The following PTPRF variants were observed in gnomAD, a reference collection of about 807,000 sequenced individuals.
PTPRF encodes the protein protein tyrosine phosphatase receptor type F, also known as receptor-type tyrosine-protein phosphatase F.
Under a neutral mutation model 201.8 loss-of-function variants are expected in PTPRF, and 59 were observed. The observed-to-expected ratio is 0.29, with a 90% CI of 0.24 to 0.36. The LOEUF (loss-of-function observed/expected upper bound fraction) is 0.36, where lower values mean the gene tolerates loss of function less well. PTPRF is among the 10% of genes least tolerant of loss of function. PTPRF has a pLI of 1.00. For synonymous variants in PTPRF, 1,088 were observed against 1,089.7 expected (o/e 1.00, Z 0.03); for missense variants, 2,132 against 2,690.5 (o/e 0.79, Z 4.59).
chr1:43,599,688 G>A (rs539681182), intron 13 of PTPRF, among the ~76,000 whole-genome samples: 1 of 152,310 alleles, frequency 6.6e-6, no homozygotes, highest in East Asian at 1.9e-4. Flanking sequence ...GGTCCCTGGG[G>A]TATTCTGAAC....
At chr1:43,545,297 C>A in intron 3 of PTPRF, 131 bp downstream of exon 3, 1 of 912,536 alleles carries the variant, frequency 1.1e-6, no homozygotes, top group Non-Finnish European at 1.6e-6. Flanking sequence ...GACCTTCTGT[C>A]CTAGAGAGCC....
In PTPRF at chr1:43,597,745, C is replaced by T. The variant is rs755855696; in HGVS notation, c.1814-3C>T. 8 of 1,550,686 alleles carry T rather than the reference C, an allele frequency of 5.2e-6. No homozygotes were observed. The East Asian group carries it at 6.9e-5, about 13-fold the overall frequency. On this transcript the variant is annotated splice_region_variant and splice_polypyrimidine_tract_variant and intron_variant, in intron 11 of 33. Coordinates refer to ENST00000359947, the MANE Select transcript of PTPRF (RefSeq NM_002840.5). ...TTGCTTCCCCCCCATTTGTCTTCCC[C>T]AGCCCCCTCCGCCCCTCCCCAGAAG...
At chr1:43,582,186 A>G (rs1647852658) in intron 7 of PTPRF, among the ~76,000 whole-genome samples, 1 of 152,204 alleles carries the variant, frequency 6.6e-6, no homozygotes, top group African/African-American at 2.4e-5. Flanking sequence ...CGACTGCTAC[A>G]TTTAATGGGA....
intron 3 of PTPRF, among the ~76,000 whole-genome samples, chr1:43,547,750 C>G (rs2153966871): frequency 6.6e-6 from 1 of 152,292 alleles, no homozygotes; most frequent in Admixed American, 6.5e-5. Flanking sequence ...AAGCAGCTGC[C>G]AAGAGTTAGC....
At chr1:43,606,557 G>T in intron 20 of PTPRF, 99 bp downstream of exon 20, 2 of 1,254,422 alleles carry the variant, frequency 1.6e-6, no homozygotes, top group Non-Finnish European at 2.2e-6. Flanking sequence ...GTCTTTATCA[G>T]TTTGGGGGCT....
intron 7 of PTPRF, chr1:43,583,190 C>T (rs1570296898): frequency 3.6e-6 from 3 of 839,598 alleles, no homozygotes; most frequent in Non-Finnish European, 4.3e-6. Context: ...CCCTCAGGCT[C>T]ACTGCGCCGT....
chr1:43,557,936 G>A (rs1048994179), intron 5 of PTPRF, among the ~76,000 whole-genome samples: 2 of 152,332 alleles, frequency 1.3e-5, no homozygotes, highest in African/African-American at 4.8e-5. Flanking sequence ...GAGGGCCAGA[G>A]GGAAGCAGCC....
intron 7 of PTPRF, among the ~76,000 whole-genome samples, chr1:43,585,888 G>T (rs1033721659): frequency 6.6e-6 from 1 of 152,272 alleles, no homozygotes; most frequent in Middle Eastern, 3.4e-3. Context: ...ACCGACTGGG[G>T]TCAAGCCTGC....
At chr1:43,527,107 G>C (rs895154001), upstream of PTPRF, among the ~76,000 whole-genome samples, 45 of 152,362 alleles carry the variant, frequency 3.0e-4, no homozygotes, top group African/African-American at 1.0e-3. Context: ...GTTGCAGAGA[G>C]TGTCCAGTTG....
intron 1 of PTPRF, among the ~76,000 whole-genome samples, chr1:43,535,872 T>C (rs1168841494): frequency 6.6e-6 from 1 of 152,198 alleles, no homozygotes; most frequent in African/African-American, 2.4e-5. Context: ...CCTCCTGGGC[T>C]CAAGTGATCC....
intron 6 of PTPRF, among the ~76,000 whole-genome samples, chr1:43,571,287 CA>C (rs1316367048): frequency 2.0e-5 from 3 of 152,162 alleles, no homozygotes; most frequent in African/African-American, 7.2e-5. Flanking sequence ...CCCTTCCCTG[CA>C]GCAGCATCTT....
intron 14 of PTPRF, among the ~76,000 whole-genome samples, chr1:43,602,855 C>T (rs1164663226): frequency 2.0e-5 from 3 of 152,174 alleles, no homozygotes; most frequent in African/African-American, 7.2e-5. Context: ...CCCTCCCCTG[C>T]CTTTCTCAAG....
At position 43,559,557 on chromosome 1, in the gene PTPRF, C is replaced by T. The variant is rs114820002; in HGVS notation, c.379+5616C>T. 4.9e-3 allele frequency among the ~76,000 whole-genome samples: 703 copies of T among 144,058 alleles called. 7 individuals carry two copies. Among genetic ancestry groups the T allele is most frequent in the African/African-American group, 0.018 (672 of 38,092 alleles). 94.5% of individuals were successfully genotyped at this position (144,058 alleles called of 152,430 possible). A position where few individuals can be genotyped will look rare whatever the true frequency, so the allele number is the denominator to read the frequency against. On this transcript the variant is annotated intron_variant, in intron 5 of 33. Coordinates refer to ENST00000359947, the MANE Select transcript of PTPRF (RefSeq NM_002840.5). ...TGTGTTTATGTGCAGCAAGGGTGTG[C>T]AGTAGGTGTGCAGTAGACTGTGTGC...
chr1:43,602,770 T>C (rs923659119), intron 14 of PTPRF, among the ~76,000 whole-genome samples: 10 of 152,330 alleles, frequency 6.6e-5, no homozygotes, highest in African/African-American at 2.4e-4. Flanking sequence ...TTGCCCTGGC[T>C]GCTGTCTCAG....
intron 29 of PTPRF, 29 bp from the exon 30 acceptor site, chr1:43,620,066 C>T (rs768512439): frequency 1.2e-6 from 2 of 1,612,866 alleles, no homozygotes; most frequent in Non-Finnish European, 1.7e-6. Context: ...GCAGCACCTC[C>T]AGCATGTCCA....
At chr1:43,577,004 TG>T (rs1166457197) in intron 6 of PTPRF, among the ~76,000 whole-genome samples, 1 of 152,200 alleles carries the variant, frequency 6.6e-6, no homozygotes, top group Non-Finnish European at 1.5e-5. Context: ...TCCTGGGTCC[TG>T]GTGTTGGTTC....
intron 5 of PTPRF, among the ~76,000 whole-genome samples, chr1:43,565,935 G>C (rs2153984495): frequency 6.6e-6 from 1 of 152,350 alleles, no homozygotes; most frequent in East Asian, 1.9e-4. Context: ...GAGCGGGGAG[G>C]GGCCCTTCCT....
chr1:43,566,978 TCCTC>T (rs773580571), intron 5 of PTPRF, among the ~76,000 whole-genome samples: 3 of 152,182 alleles, frequency 2.0e-5, no homozygotes, highest in Non-Finnish European at 4.4e-5. Flanking sequence ...CCAAAGACCT[TCCTC>T]GTGTAAGGAA....
chr1:43,605,436 C>T lies in PTPRF; in HGVS notation c.3382C>T (p.Leu1128Phe), dbSNP rs754439849. The T allele has an allele frequency of 6.2e-7, 1 of 1,609,160 alleles. No homozygotes were observed. Among genetic ancestry groups the T allele is most frequent in the Non-Finnish European group, 8.5e-7 (1 of 1,175,906 alleles). ...LSMPHVQDPS[L>F]VRWFYIVVVP... is the part of the protein sequence containing the mutation. The stretch of plus-strand genomic sequence containing the variant: ...CATGCCCCATGTGCAAGACCCCTCG[C>T]TTGTCAGGTGTGCACACGAGGTATC... The change falls in exon 18 of 34, where the codon CTT (leucine) becomes TTT (phenylalanine). Residue 1128 changes from leucine (L) to phenylalanine (F), a missense_variant. Transcript: ENST00000359947.
Sources: allele counts gnomAD v4.1 joint callset (sites outside exome capture counted in the v4.1 genomes callset), GRCh38; gene constraint gnomAD v4.1.1; transcripts MANE v1.5; gene names NCBI Gene and HGNC (gene_info 2026-07-23, HGNC 2026-07-21).